The following ERC1 variants were observed in gnomAD, a reference collection of about 807,000 sequenced individuals.
The protein encoded by ERC1 is ELKS/RAB6-interacting/CAST family member 1, also known as RAB6 interacting protein 2.
In ERC1, 56 loss-of-function variants were observed where a neutral mutation model predicts 132.0. The observed-to-expected ratio is 0.42, with a 90% CI of 0.34 to 0.53. The LOEUF (loss-of-function observed/expected upper bound fraction) is 0.53, where lower values mean the gene tolerates loss of function less well. Ranked by LOEUF, ERC1 falls within the 20% of genes least tolerant of loss-of-function variation. The pLI, the probability that ERC1 is intolerant of heterozygous loss-of-function variation, is 0.03. For missense variants in ERC1, 1,202 were observed against 1,349.9 expected, an observed-to-expected ratio of 0.89 and a Z score of 1.72; for synonymous variants, 478 against 476.1, an observed-to-expected ratio of 1.00 and a Z score of -0.05.
intron 8 of ERC1, among the ~76,000 whole-genome samples, chr12:1,177,020 G>A (rs953029682): frequency 6.6e-6 from 1 of 152,144 alleles, no homozygotes; most frequent in African/African-American, 2.4e-5. Context: ...TTTATATTAT[G>A]GAGACGGCTT....
chr12:1,350,907 C>G (rs988827031), intron 15 of ERC1, among the ~76,000 whole-genome samples: 5 of 152,120 alleles, frequency 3.3e-5, no homozygotes, highest in Non-Finnish European at 7.4e-5. Context: ...GAGGGTCCAT[C>G]CTGGCTTTAT....
chr12:1,229,979 A>G (rs964153638), intron 12 of ERC1, among the ~76,000 whole-genome samples: 1 of 106,432 alleles, frequency 9.4e-6, no homozygotes, highest in African/African-American at 3.4e-5. Context: ...TTTTCATTTT[A>G]TTTGCCTGAA....
rs552283077 is a variant in ERC1, at chr12:1,044,071, T to C, written c.669+15499T>C. ...TATTTACAAAATGTTTGTTATAAAA[T>C]GGGAGAGTATTAAGTCTGATAAGCC... On this transcript the variant is annotated intron_variant, in intron 2 of 18. Transcript: ENST00000360905. 2.6e-5 allele frequency among the ~76,000 whole-genome samples: 4 copies of C among 152,328 alleles called. No homozygotes were observed. The South Asian group carries it at 8.3e-4, about 32-fold the overall frequency.
chr12:1,080,617 T>G (rs1468333004), intron 2 of ERC1, among the ~76,000 whole-genome samples: 1 of 152,202 alleles, frequency 6.6e-6, no homozygotes, highest in Non-Finnish European at 1.5e-5. Flanking sequence ...TCCCATGCTA[T>G]TCTCGTGATA....
chr12:1,350,618 G>A (rs956146393), intron 15 of ERC1, among the ~76,000 whole-genome samples: 4 of 152,278 alleles, frequency 2.6e-5, no homozygotes, highest in South Asian at 2.1e-4. Flanking sequence ...AGCTCATGTC[G>A]TGTACAAGAT....
intron 18 of ERC1, among the ~76,000 whole-genome samples, chr12:1,483,756 C>T (rs1338115218): frequency 1.5e-5 from 2 of 135,454 alleles, no homozygotes; most frequent in Admixed American, 1.8e-4. Context: ...GTGGCGCGAT[C>T]TCGCCTTACT....
chr12:1,255,173 C>T (rs892879398), intron 13 of ERC1, among the ~76,000 whole-genome samples: 1 of 151,828 alleles, frequency 6.6e-6, no homozygotes, highest in African/African-American at 2.4e-5. Context: ...TCAACTCCCA[C>T]TTATGAGTGA....
At chr12:1,042,381 C>G (rs1262768723) in intron 2 of ERC1, among the ~76,000 whole-genome samples, 2 of 123,224 alleles carry the variant, frequency 1.6e-5, no homozygotes, top group African/African-American at 3.1e-5. Context: ...GAGTTTAGCT[C>G]TGTTGCCCAG....
At chr12:1,356,034 T>C (rs550504866) in intron 15 of ERC1, among the ~76,000 whole-genome samples, 43 of 152,122 alleles carry the variant, frequency 2.8e-4, no homozygotes, top group African/African-American at 9.2e-4. Context: ...GATGAAACCC[T>C]GTCTCTACAC....
At chr12:1,487,542 A>AAAAAAAAAAAAAG (rs1358640651) in intron 18 of ERC1, among the ~76,000 whole-genome samples, 2 of 150,922 alleles carry the variant, frequency 1.3e-5, no homozygotes, top group Admixed American at 6.6e-5. Flanking sequence ...GCACCTCTAA[A>AAAAAAAAAAAAAG]AAAGAAAAAG....
chr12:1,187,380 T>C (rs911208891), intron 11 of ERC1, among the ~76,000 whole-genome samples: 1 of 152,076 alleles, frequency 6.6e-6, no homozygotes, highest in Admixed American at 6.6e-5. Flanking sequence ...GCTTGATTTA[T>C]TTTGTCTTTA....
At position 1,183,494 on chromosome 12, in the gene ERC1, T is replaced by C. The variant is rs531145239; in HGVS notation, c.2157+73T>C. 7.0e-6 allele frequency: 7 copies of C among 1,003,388 alleles called. No homozygotes were observed. In the South Asian group the frequency reaches 1.6e-4, roughly 23 times the overall value. The allele number at this position is 1,003,388 out of a possible 1,614,324, so 62.2% of individuals were successfully genotyped here. On this transcript the variant is annotated intron_variant, in intron 11 of 18. Transcript: ENST00000360905. ...ATAGTAGATAACCTTAGCATGTTTA[T>C]ATGGAATAATTTACCAATGGAATAA...
intron 7 of ERC1, among the ~76,000 whole-genome samples, chr12:1,132,941 C>T (rs1262323847): frequency 5.3e-5 from 8 of 151,736 alleles, no homozygotes; most frequent in South Asian, 2.1e-4. Context: ...CTGCAACCTC[C>T]GCCTCCTAGG....
chr12:1,047,703 G>A (rs1347525168), intron 2 of ERC1, among the ~76,000 whole-genome samples: 1 of 152,118 alleles, frequency 6.6e-6, no homozygotes, highest in Non-Finnish European at 1.5e-5. Flanking sequence ...CTTTTTCTTA[G>A]TTAAACCTCA....
At position 1,352,224 on chromosome 12, in the gene ERC1, A is replaced by C. The variant is rs143223529; in HGVS notation, c.2781-19609A>C. Among the ~76,000 whole-genome samples, 393 of 152,318 alleles carry C rather than the reference A, an allele frequency of 2.6e-3. 2 individuals carry two copies. The highest frequency in any genetic ancestry group is 9.1e-3 in the African/African-American group (377 of 41,568). ...TTCTCAGGATAGCATTTCAAGATTG[A>C]GTACCCATCCTAGTTTTCTCAGTGT... On this transcript the variant is annotated intron_variant, in intron 15 of 18. Coordinates refer to ENST00000360905, the MANE Select transcript of ERC1 (RefSeq NM_178040.4).
intron 13 of ERC1, among the ~76,000 whole-genome samples, chr12:1,243,266 A>C (rs1038123397): frequency 3.9e-5 from 6 of 152,116 alleles, no homozygotes; most frequent in African/African-American, 1.4e-4. Flanking sequence ...TGCATAGATT[A>C]TCTGCAAATA....
At chr12:1,134,672 T>C (rs1300888526) in intron 7 of ERC1, among the ~76,000 whole-genome samples, 1 of 151,510 alleles carries the variant, frequency 6.6e-6, no homozygotes, top group African/African-American at 2.4e-5. Context: ...GTGTAGCAAA[T>C]ATTGATAGAT....
chr12:1,256,110 T>G (rs2076795254), intron 13 of ERC1, among the ~76,000 whole-genome samples: 1 of 152,116 alleles, frequency 6.6e-6, no homozygotes, highest in Admixed American at 6.5e-5. Flanking sequence ...TCTTGTAAAT[T>G]TGTTTAAGTT....
chr12:1,415,858 G>C (rs891630388), intron 17 of ERC1, among the ~76,000 whole-genome samples: 1 of 152,168 alleles, frequency 6.6e-6, no homozygotes, highest in African/African-American at 2.4e-5. Context: ...GAAGCACAAG[G>C]ATCTAGCTGC....
Sources: allele counts gnomAD v4.1 joint callset (sites outside exome capture counted in the v4.1 genomes callset), GRCh38; gene constraint gnomAD v4.1.1; transcripts MANE v1.5; gene names NCBI Gene and HGNC (gene_info 2026-07-23, HGNC 2026-07-21).